The following SOX5 variants were observed in gnomAD, a reference collection of about 807,000 sequenced individuals.
SOX5 encodes the protein transcription factor SOX-5.
In SOX5, 9 loss-of-function variants were observed where a neutral mutation model predicts 92.0. The ratio of observed to expected loss-of-function variants is 0.10; its 90% CI spans 0.06 to 0.17. The LOEUF is 0.17. SOX5 is among the 10% of genes least tolerant of loss of function. The pLI, the probability that SOX5 is intolerant of heterozygous loss-of-function variation, is 1.00. For synonymous variants in SOX5, 344 were observed against 336.3 expected, an observed-to-expected ratio of 1.02 and a Z score of -0.25; for missense variants, 642 against 944.5, an observed-to-expected ratio of 0.68 and a Z score of 4.20.
intron 3 of SOX5, among the ~76,000 whole-genome samples, chr12:24,269,936 C>T (rs1320077442): frequency 6.1e-5 from 9 of 148,378 alleles, no homozygotes; most frequent in African/African-American, 2.2e-4. Flanking sequence ...CTTCCTGCCT[C>T]AGTCTCCCCA....
intron 4 of SOX5, among the ~76,000 whole-genome samples, chr12:24,030,698 A>C (rs1324373227): frequency 6.6e-6 from 1 of 151,906 alleles, no homozygotes; most frequent in Admixed American, 6.6e-5. Flanking sequence ...AAATGGGATT[A>C]TATCAAACTA....
intron 2 of SOX5, among the ~76,000 whole-genome samples, chr12:24,334,721 T>C (rs754323700): frequency 1.3e-5 from 2 of 152,220 alleles, no homozygotes; most frequent in East Asian, 1.9e-4. Flanking sequence ...AGCAAAACAT[T>C]AGAAATTGCC....
At chr12:23,708,514 C>T (rs1251082076) in intron 6 of SOX5, among the ~76,000 whole-genome samples, 1 of 152,126 alleles carries the variant, frequency 6.6e-6, no homozygotes, top group Non-Finnish European at 1.5e-5. Flanking sequence ...GAGTCAGTAG[C>T]TGTCAAAGAT....
intron 2 of SOX5, among the ~76,000 whole-genome samples, chr12:23,859,866 A>G (rs923918109): frequency 3.9e-5 from 6 of 152,204 alleles, no homozygotes; most frequent in Admixed American, 2.0e-4. Flanking sequence ...GGTTCCCCCA[A>G]TAGTTCACAA....
rs190971633 is a variant in SOX5, at chr12:24,449,993, C to A, written c.-250-81354G>T. The stretch of plus-strand genomic sequence containing the variant: ...CTTTAAGACCAAATCCTAAGACTAC[C>A]TTTCTTTTGACACACTCTCTGTAAA... On this transcript the variant is annotated intron_variant, in intron 1 of 4. Transcript: ENST00000446891. 2.0e-5 allele frequency among the ~76,000 whole-genome samples: 3 copies of A among 152,262 alleles called. No individual in the cohort carries two copies. The East Asian group carries it at 5.8e-4, about 29-fold the overall frequency.
chr12:24,184,138 G>T (rs1021160013), intron 4 of SOX5, among the ~76,000 whole-genome samples: 6 of 152,062 alleles, frequency 3.9e-5, no homozygotes, highest in Non-Finnish European at 8.8e-5. Flanking sequence ...AGAGATAAAT[G>T]GACAATTAGA....
chr12:24,057,665 T>C (rs7976167), intron 4 of SOX5, among the ~76,000 whole-genome samples: 42,049 of 152,060 alleles, frequency 0.28, 6,272 homozygotes, highest in Middle Eastern at 0.4. Context: ...AATAATACTG[T>C]CAACAAAATT....
intron 1 of SOX5, among the ~76,000 whole-genome samples, chr12:23,899,911 C>T (rs80308328): frequency 6.1e-4 from 92 of 152,064 alleles, no homozygotes; most frequent in African/African-American, 2.2e-3. Flanking sequence ...CAGTTCAGTC[C>T]GTAGATCAAA....
At chr12:24,135,883 C>T (rs1950064975) in intron 4 of SOX5, among the ~76,000 whole-genome samples, 1 of 152,138 alleles carries the variant, frequency 6.6e-6, no homozygotes, top group African/African-American at 2.4e-5. Context: ...CTTGAAATCA[C>T]TGGGAAGTTA....
intron 4 of SOX5, among the ~76,000 whole-genome samples, chr12:24,007,855 G>A (rs1049904744): frequency 2.0e-5 from 3 of 148,892 alleles, no homozygotes; most frequent in Non-Finnish European, 4.5e-5. Flanking sequence ...AAGAAACAGA[G>A]GCAGTAAGAT....
intron 4 of SOX5, among the ~76,000 whole-genome samples, chr12:24,051,286 A>G (rs1170564575): frequency 6.6e-6 from 1 of 152,180 alleles, no homozygotes; most frequent in Non-Finnish European, 1.5e-5. Context: ...AAATTTTACA[A>G]TGATGGGAAG....
At chr12:24,051,153 A>G (rs1342649331) in intron 4 of SOX5, among the ~76,000 whole-genome samples, 1 of 152,188 alleles carries the variant, frequency 6.6e-6, no homozygotes, top group Admixed American at 6.5e-5. Flanking sequence ...AGATTATTAA[A>G]GATTCACCCT....
At chr12:23,796,452 C>T (rs1244091239) in intron 3 of SOX5, among the ~76,000 whole-genome samples, 1 of 152,044 alleles carries the variant, frequency 6.6e-6, no homozygotes, top group Non-Finnish European at 1.5e-5. Context: ...ATATTCATAG[C>T]TGAGTTGCAT....
chr12:23,704,541 T>C (rs1165884945), intron 6 of SOX5, among the ~76,000 whole-genome samples: 1 of 151,306 alleles, frequency 6.6e-6, no homozygotes, highest in Non-Finnish European at 1.5e-5. Context: ...GGGTGACGTA[T>C]AACGACACCT....
intron 3 of SOX5, among the ~76,000 whole-genome samples, chr12:24,273,188 G>A (rs964215399): frequency 1.3e-5 from 2 of 152,176 alleles, no homozygotes; most frequent in African/African-American, 4.8e-5. Flanking sequence ...GAACCTGCAA[G>A]GCAGAGGTTG....
At chr12:24,224,504 A>T (rs150691066) in intron 3 of SOX5, among the ~76,000 whole-genome samples, 1 of 152,284 alleles carries the variant, frequency 6.6e-6, no homozygotes, top group East Asian at 1.9e-4. Context: ...AATGAAATGT[A>T]AATAAGATAG....
chr12:23,577,343 G>A (rs976532676), intron 9 of SOX5, among the ~76,000 whole-genome samples: 1 of 151,114 alleles, frequency 6.6e-6, no homozygotes, highest in Non-Finnish European at 1.5e-5. Context: ...CTACTACGTG[G>A]TGCACACCAC....
intron 9 of SOX5, among the ~76,000 whole-genome samples, chr12:23,579,407 A>G (rs1949735400): frequency 6.6e-6 from 1 of 152,164 alleles, no homozygotes; most frequent in African/African-American, 2.4e-5. Context: ...TGATCTTTAT[A>G]CTGGTAACTG....
At chr12:23,926,620 C>CT (rs1184045340) in intron 1 of SOX5, among the ~76,000 whole-genome samples, 1 of 151,972 alleles carries the variant, frequency 6.6e-6, no homozygotes, top group Admixed American at 6.6e-5. Context: ...AAATCCTATG[C>CT]TTTTTTTCCT....
Sources: gnomAD v4.1 joint callset for allele counts (sites outside exome capture counted in the v4.1 genomes callset) on GRCh38, gnomAD v4.1.1 for gene constraint, MANE v1.5 for transcripts, NCBI Gene and HGNC (gene_info 2026-07-23, HGNC 2026-07-21) for gene names.